Variants in DIP2A observed in about 807,000 individuals in gnomAD.
DIP2A encodes disco-interacting protein 2 homolog A.
Under a neutral mutation model 177.4 loss-of-function variants are expected in DIP2A, and 85 were observed. The ratio of observed to expected loss-of-function variants is 0.48; its 90% CI spans 0.40 to 0.57. DIP2A has a LOEUF of 0.57. Among genes scored for constraint, DIP2A ranks in the 20% least tolerant of loss-of-function variants. The probability of loss-of-function intolerance (pLI) is 0.00; values close to 1 mark genes in which losing one functional copy is unlikely to be tolerated. For missense variants in DIP2A, 1,791 were observed against 2,100.2 expected (o/e 0.85, Z 2.88); for synonymous variants, 886 against 881.8 (o/e 1.00, Z -0.08).
intron 8 of DIP2A, among the ~76,000 whole-genome samples, chr21:46,516,529 T>G (rs1454653633): frequency 7.3e-6 from 1 of 137,308 alleles, no homozygotes; most frequent in African/African-American, 2.7e-5. Context: ...TCTGGCTCTG[T>G]CGCCCAGGCT....
downstream of DIP2A, among the ~76,000 whole-genome samples, chr21:46,574,138 T>C (rs1388534996): frequency 1.3e-5 from 2 of 152,164 alleles, no homozygotes; most frequent in Non-Finnish European, 2.9e-5. Flanking sequence ...TTTAAAAATA[T>C]ACAAAGTCTC....
At position 46,546,933 on chromosome 21, in the gene DIP2A, G is replaced by A. The variant is rs374290805; in HGVS notation, c.2413G>A (p.Val805Met). ...CCCTCAGGACAACCTGGTCTTCATC[G>A]TGGGCAAACTGGACGGGCTGATGGT... Reference protein sequence around the residue: ...FIGPDNLVFIVGKLDGLMVTG... With the variant: ...FIGPDNLVFIMGKLDGLMVTG... Residue 805 changes from valine to methionine, a missense_variant, in exon 21 of 38, where the codon GTG (valine) becomes ATG (methionine). Physicochemically the swap from Val to Met is conservative, Grantham distance 21. Coordinates refer to ENST00000417564, the MANE Select transcript of DIP2A (RefSeq NM_015151.4). 60 of 1,613,754 alleles carry A rather than the reference G, an allele frequency of 3.7e-5. No individual in the cohort carries two copies. Among genetic ancestry groups the A allele is most frequent in the Admixed American group, 5.0e-5 (3 of 59,992 alleles).
At chr21:46,535,772 G>T (rs949163663) in intron 13 of DIP2A, among the ~76,000 whole-genome samples, 1 of 152,162 alleles carries the variant, frequency 6.6e-6, no homozygotes, top group African/African-American at 2.4e-5. Context: ...TCTTACATAT[G>T]TCACCTACAA....
chr21:46,580,205 G>A, the DIP2A span, among the ~76,000 whole-genome samples: 5 of 152,112 alleles, frequency 3.3e-5, no homozygotes, highest in African/African-American at 9.7e-5. Context: ...ATTGTGTAAT[G>A]CCCTTCTTTT....
Position 46,563,921 on chromosome 21 carries a change from C to A in DIP2A, c.4153C>A (p.His1385Asn), listed in dbSNP as rs1423010438. 3 of 1,613,228 alleles carry A rather than the reference C, an allele frequency of 1.9e-6. No homozygotes were observed. Among genetic ancestry groups the A allele is most frequent in the Non-Finnish European group, 2.5e-6 (3 of 1,179,768 alleles). Residue 1385 changes from histidine (H) to asparagine (N), a missense_variant, in exon 35 of 38, where the codon CAC becomes AAC. Physicochemically the swap from His to Asn is moderately conservative, Grantham distance 68. Transcript: ENST00000417564. This position sits in a 1 kb window ranked among gnomAD's most constrained non-coding sequence, Gnocchi z 4.3. ...GACCAAAGGACCCTTGGGAGACTCA[C>A]ACCTGGGAGAGGTGAGCAGGGGCCC... The part of the protein sequence containing the change: ...TETKGPLGDS[H>N]LGEIWVSSPH...
At chr21:46,574,739 A>G (rs980994392), downstream of DIP2A, among the ~76,000 whole-genome samples, 23 of 152,286 alleles carry the variant, frequency 1.5e-4, no homozygotes, top group African/African-American at 4.8e-4. Flanking sequence ...ACATATCAAG[A>G]CTAATCATGA....
At chr21:46,512,910 T>A (rs886659337) in intron 8 of DIP2A, among the ~76,000 whole-genome samples, 1 of 152,174 alleles carries the variant, frequency 6.6e-6, no homozygotes, top group Admixed American at 6.5e-5. Context: ...TCCTCCCATC[T>A]TAGCCTCTCA....
In DIP2A at chr21:46,513,788, T is replaced by G. The variant is rs77843611; in HGVS notation, c.1102+2174T>G. On this transcript the variant is annotated intron_variant, in intron 8 of 37. Transcript: ENST00000417564. ...TGCTCATTGGAGCATTTTGGATTTC[T>G]GATTTTTGGACTTGTGATGCGATGC... Among the ~76,000 whole-genome samples the G allele has an allele frequency of 1.3e-3, 198 of 152,302 alleles. 1 individual carries two copies. The East Asian group carries it at 0.032, about 25-fold the overall frequency.
Position 46,526,585 on chromosome 21 carries a change from G to A in DIP2A, c.1103-2507G>A, listed in dbSNP as rs959098055. Among the ~76,000 whole-genome samples the A allele has an allele frequency of 6.6e-5, 10 of 152,110 alleles. 1 individual carries two copies. Among genetic ancestry groups the A allele is most frequent in the African/African-American group, 2.2e-4 (9 of 41,480 alleles). ...GATTTTTTGTATTTTAGTAGAGACA[G>A]GGTTTTACCATCTCACCCAGGCTGG... On this transcript the variant is annotated intron_variant, in intron 8 of 37. Coordinates refer to ENST00000417564, the MANE Select transcript of DIP2A (RefSeq NM_015151.4).
chr21:46,480,569 CCATGG>C (rs1342991799), intron 1 of DIP2A, among the ~76,000 whole-genome samples: 1 of 152,138 alleles, frequency 6.6e-6, no homozygotes, highest in Non-Finnish European at 1.5e-5. Flanking sequence ...TTCCCAGCTG[CCATGG>C]CACAGAGACC....
chr21:46,549,647 C>T (rs2060193619), intron 21 of DIP2A, 124 bp from the exon 22 acceptor site: 2 of 1,498,158 alleles, frequency 1.3e-6, no homozygotes, highest in African/African-American at 2.8e-5. Flanking sequence ...CAGCAGGTAG[C>T]CCCATTTGAT....
intron 9 of DIP2A, among the ~76,000 whole-genome samples, chr21:46,531,140 A>AG (rs990203379): frequency 1.3e-5 from 2 of 151,944 alleles, no homozygotes; most frequent in African/African-American, 2.4e-5. Context: ...GCAGCAGTCC[A>AG]GGGGGGGCAG....
chr21:46,547,303 C>CA, intron 21 of DIP2A: 3 of 978,894 alleles, frequency 3.1e-6, no homozygotes, highest in South Asian at 5.3e-5. Flanking sequence ...CTCAAGGGGA[C>CA]AAATCAGGGA....
Position 46,506,724 on chromosome 21 carries a change from T to TTTCTTTCTTTCTTCCTTTC in DIP2A, c.784+2237_784+2238insCTTTCTTTCTTCCTTTCTT, listed in dbSNP as rs149327676. Reference sequence around the variant, plus strand: ...TATTTTTTTTTTTAATTGTGCTTGTTTTTCTTTCTTTCTTTCTTTCTTTCT... The same window carrying TTTCTTTCTTTCTTCCTTTC: ...TATTTTTTTTTTTAATTGTGCTTGTTTTCTTTCTTTCTTCCTTTCTTTCTTTCTTTCTTTCTTTCTTTCT... On this transcript the variant is annotated intron_variant, in intron 6 of 37. Coordinates refer to ENST00000417564, the MANE Select transcript of DIP2A (RefSeq NM_015151.4). Among the ~76,000 whole-genome samples the TTTCTTTCTTTCTTCCTTTC allele has an allele frequency of 6.8e-3, 540 of 78,924 alleles. 23 individuals carry two copies. Among genetic ancestry groups the TTTCTTTCTTTCTTCCTTTC allele is most frequent in the Middle Eastern group, 0.015 (2 of 136 alleles). 51.8% of individuals were successfully genotyped at this position (78,924 alleles called of 152,430 possible).
intron 8 of DIP2A, among the ~76,000 whole-genome samples, chr21:46,525,417 C>T (rs1291543693): frequency 6.6e-6 from 1 of 152,166 alleles, no homozygotes; most frequent in African/African-American, 2.4e-5. Context: ...TTGCCCCACT[C>T]TTCTGTGGTG....
At position 46,498,164 on chromosome 21, in the gene DIP2A, G is replaced by A. The variant is rs531736054; in HGVS notation, c.404-418G>A. The stretch of plus-strand genomic sequence containing the variant: ...GATGCCTTCTCACTGCCTCCAAGAT[G>A]TAGGGCCGGGCACAGGCTCTCCCCT... On this transcript the variant is annotated intron_variant, in intron 4 of 37. Coordinates refer to ENST00000417564, the MANE Select transcript of DIP2A (RefSeq NM_015151.4). This position sits in a 1 kb window ranked among gnomAD's most constrained non-coding sequence, Gnocchi z 4.3. 6.6e-6 allele frequency among the ~76,000 whole-genome samples: 1 copy of A among 152,300 alleles called. No individual in the cohort carries two copies. Among genetic ancestry groups the A allele is most frequent in the African/African-American group, 2.4e-5 (1 of 41,564 alleles).
intron 15 of DIP2A, 134 bp from the exon 16 acceptor site, chr21:46,538,349 G>C: frequency 7.6e-7 from 1 of 1,313,748 alleles, no homozygotes. Context: ...CAGAGAGCTT[G>C]TGACCTGGGA....
intron 1 of DIP2A, among the ~76,000 whole-genome samples, chr21:46,475,947 G>T (rs1189331181): frequency 1.3e-5 from 2 of 152,062 alleles, no homozygotes; most frequent in East Asian, 3.9e-4. Flanking sequence ...TAAAAATTAT[G>T]ATGATTGGCT....
intron 17 of DIP2A, among the ~76,000 whole-genome samples, chr21:46,540,458 G>T (rs917985155): frequency 6.6e-6 from 1 of 152,046 alleles, no homozygotes; most frequent in Non-Finnish European, 1.5e-5. Context: ...TCAGCCTAGA[G>T]GGCATGTTGA....
Sources: gnomAD v4.1 joint callset for allele counts (sites outside exome capture counted in the v4.1 genomes callset) on GRCh38, gnomAD v4.1.1 for gene constraint, Gnocchi (gnomAD v3.1) non-coding constraint, MANE v1.5 for transcripts, NCBI Gene and HGNC (gene_info 2026-07-23, HGNC 2026-07-21) for gene names.